The following ERC1 variants were observed in gnomAD, a reference collection of about 807,000 sequenced individuals.
ERC1 encodes the protein ELKS/RAB6-interacting/CAST family member 1.
In ERC1, 56 loss-of-function variants were observed where a neutral mutation model predicts 132.0. The observed-to-expected ratio is 0.42, with a 90% CI of 0.34 to 0.53. The LOEUF (loss-of-function observed/expected upper bound fraction) is 0.53. Ranked by LOEUF, ERC1 falls within the 20% of genes least tolerant of loss-of-function variation. ERC1 has a pLI of 0.03. For missense variants in ERC1, 1,202 were observed against 1,349.9 expected, an observed-to-expected ratio of 0.89 and a Z score of 1.72; for synonymous variants, 478 against 476.1, an observed-to-expected ratio of 1.00 and a Z score of -0.05.
chr12:1,381,503 T>C (rs1411471525), intron 16 of ERC1, among the ~76,000 whole-genome samples: 9 of 151,898 alleles, frequency 5.9e-5, no homozygotes, highest in Non-Finnish European at 1.3e-4. Context: ...CCGTCCTCAA[T>C]GGCCTCTATT....
chr12:1,174,597 A>G (rs1566147005), intron 8 of ERC1, among the ~76,000 whole-genome samples: 1 of 152,232 alleles, frequency 6.6e-6, no homozygotes, highest in South Asian at 2.1e-4. Flanking sequence ...TAACATTTTA[A>G]TTCCTGAATT....
chr12:1,372,557 T>G (rs1258633670), intron 16 of ERC1, among the ~76,000 whole-genome samples: 1 of 152,212 alleles, frequency 6.6e-6, no homozygotes, highest in Non-Finnish European at 1.5e-5. Flanking sequence ...TAAAAATCGT[T>G]AAAATGGTAA....
rs574065330 is a variant in ERC1, at chr12:1,401,090, T to C, written c.2926-7059T>C. Among the ~76,000 whole-genome samples the C allele has an allele frequency of 6.4e-3, 966 of 151,484 alleles. 7 individuals are homozygous for C. Among genetic ancestry groups the C allele is most frequent in the African/African-American group, 0.022 (917 of 41,090 alleles). On this transcript the variant is annotated intron_variant, in intron 16 of 18. Coordinates refer to ENST00000360905, the MANE Select transcript of ERC1 (RefSeq NM_178040.4). ...AGCTGGGACTACAGACGCCCACCGC[T>C]GCGCCCGGCTAATTTTTTGTATTTT... is the stretch of plus-strand genomic sequence containing the variant.
At chr12:1,241,600 G>T (rs2075794686) in intron 13 of ERC1, among the ~76,000 whole-genome samples, 1 of 151,948 alleles carries the variant, frequency 6.6e-6, no homozygotes, top group Non-Finnish European at 1.5e-5. Context: ...GTATGTGTTT[G>T]TTTCTTGTAA....
chr12:1,428,308 C>T (rs573812721), intron 17 of ERC1, among the ~76,000 whole-genome samples: 46 of 152,242 alleles, frequency 3.0e-4, no homozygotes, highest in Middle Eastern at 3.4e-3. Context: ...TTAAATAAAA[C>T]GTGGATGAGT....
intron 12 of ERC1, among the ~76,000 whole-genome samples, chr12:1,202,537 G>T (rs543647052): frequency 4.6e-5 from 7 of 152,116 alleles, no homozygotes; most frequent in African/African-American, 1.7e-4. Flanking sequence ...TTTGTCTATA[G>T]TCCCAGCTAT....
chr12:1,489,206 G>GC (rs2094289588), intron 18 of ERC1, among the ~76,000 whole-genome samples: 1 of 152,158 alleles, frequency 6.6e-6, no homozygotes, highest in Non-Finnish European at 1.5e-5. Context: ...GCCTGTCCCA[G>GC]CCCCACGCAT....
At chr12:1,281,121 C>T (rs2078648129) in intron 14 of ERC1, among the ~76,000 whole-genome samples, 1 of 152,044 alleles carries the variant, frequency 6.6e-6, no homozygotes, top group Admixed American at 6.6e-5. Flanking sequence ...CTGTTTTACT[C>T]ACATTATTTC....
chr12:1,009,450 A>G (rs1246400971), intron 1 of ERC1, among the ~76,000 whole-genome samples: 1 of 152,204 alleles, frequency 6.6e-6, no homozygotes, highest in Non-Finnish European at 1.5e-5. Context: ...CTGGGATTAC[A>G]GGCGTGAGCC....
chr12:1,214,665 T>C (rs200277255), intron 12 of ERC1, among the ~76,000 whole-genome samples: 75 of 119,088 alleles, frequency 6.3e-4, no homozygotes, highest in African/African-American at 1.4e-3. Flanking sequence ...TGTGTATACA[T>C]ACACACACAC....
At chr12:1,236,978 C>CTTTT in intron 13 of ERC1, 74 bp downstream of exon 13, 3 of 1,529,604 alleles carry the variant, frequency 2.0e-6, no homozygotes, top group Non-Finnish European at 1.8e-6. Context: ...TTTTTCTCTT[C>CTTTT]ATCTTTATCC....
intron 17 of ERC1, among the ~76,000 whole-genome samples, chr12:1,442,583 T>C (rs1277789893): frequency 1.3e-5 from 2 of 152,232 alleles, no homozygotes; most frequent in African/African-American, 4.8e-5. Context: ...CTGTGTAATA[T>C]ACTGTATAGG....
intron 14 of ERC1, among the ~76,000 whole-genome samples, chr12:1,268,417 G>A (rs979271143): frequency 3.9e-5 from 6 of 152,198 alleles, no homozygotes; most frequent in Non-Finnish European, 7.3e-5. Flanking sequence ...AATAGATACA[G>A]CCTCTGTCTT....
At chr12:1,487,156 GAC>G (rs1306321009) in intron 18 of ERC1, among the ~76,000 whole-genome samples, 1 of 152,168 alleles carries the variant, frequency 6.6e-6, no homozygotes, top group Non-Finnish European at 1.5e-5. Flanking sequence ...TTACTCATGT[GAC>G]ACAGCCAGAG....
At chr12:1,111,763 A>G (rs1945891901) in intron 5 of ERC1, among the ~76,000 whole-genome samples, 2 of 151,790 alleles carry the variant, frequency 1.3e-5, no homozygotes, top group African/African-American at 4.8e-5. Flanking sequence ...GCCCACCACC[A>G]TGCCCAGTTA....
At chr12:1,193,636 G>A (rs1955949902) in intron 12 of ERC1, among the ~76,000 whole-genome samples, 1 of 152,130 alleles carries the variant, frequency 6.6e-6, no homozygotes, top group Non-Finnish European at 1.5e-5. Context: ...AATCCCTGTG[G>A]CAGGCTATCA....
chr12:1,495,678 C>G lies in ERC1; in HGVS notation c.*5448C>G, dbSNP rs1045257768. On this transcript the variant is annotated 3_prime_UTR_variant, in exon 19 of 19. Coordinates refer to ENST00000360905, the MANE Select transcript of ERC1 (RefSeq NM_178040.4). Reference sequence around the variant, plus strand: ...AGTGGAGGAGCTGAGGAGCACCTGCCCCCTTGTAGCTTGAGTTCCTTTTGG... The same window carrying G: ...AGTGGAGGAGCTGAGGAGCACCTGCGCCCTTGTAGCTTGAGTTCCTTTTGG... 4.4e-6 allele frequency: 1 copy of G among 225,048 alleles called. No homozygotes were observed. The highest frequency in any genetic ancestry group is 5.7e-5 in the Admixed American group (1 of 17,478). 13.9% of individuals were successfully genotyped at this position (225,048 alleles called of 1,614,324 possible). A position where few individuals can be genotyped will look rare whatever the true frequency, so the allele number is the denominator to read the frequency against.
chr12:1,150,587 GAAAAAT>G (rs1331718574), intron 8 of ERC1, among the ~76,000 whole-genome samples: 5 of 152,158 alleles, frequency 3.3e-5, no homozygotes, highest in African/African-American at 9.7e-5. Flanking sequence ...AATGGAATAT[GAAAAAT>G]AATTGGGTCA....
intron 17 of ERC1, among the ~76,000 whole-genome samples, chr12:1,441,121 C>T (rs1037092973): frequency 5.9e-5 from 9 of 151,278 alleles, no homozygotes; most frequent in Non-Finnish European, 8.8e-5. Context: ...TGCAATGGTG[C>T]GATCTCGGCT....
Sources: gnomAD v4.1 joint callset for allele counts (sites outside exome capture counted in the v4.1 genomes callset) on GRCh38, gnomAD v4.1.1 for gene constraint, MANE v1.5 for transcripts, NCBI Gene and HGNC (gene_info 2026-07-23, HGNC 2026-07-21) for gene names.